The following AK7 variants were observed in gnomAD, a reference collection of about 807,000 sequenced individuals.
The protein encoded by AK7 is adenylate kinase 7, also known as ATP-AMP transphosphorylase 7.
Under a neutral mutation model 96.6 loss-of-function variants are expected in AK7, and 78 were observed. The ratio of observed to expected loss-of-function variants is 0.81; its 90% confidence interval spans 0.67 to 0.97. The LOEUF (loss-of-function observed/expected upper bound fraction) is 0.97. AK7 is among the 50% of genes least tolerant of loss of function. The probability of loss-of-function intolerance (pLI) is 0.00; values close to 1 mark genes in which losing one functional copy is unlikely to be tolerated. For synonymous variants in AK7, 302 were observed against 317.2 expected (o/e 0.95, Z 0.51); for missense variants, 855 against 887.9 (o/e 0.96, Z 0.47).
At chr14:96,435,385 T>C (rs998690176) in intron 5 of AK7, among the ~76,000 whole-genome samples, 1 of 152,062 alleles carries the variant, frequency 6.6e-6, no homozygotes, top group Non-Finnish European at 1.5e-5. Flanking sequence ...TATCTAGAAA[T>C]GTGACTGAGC....
chr14:96,464,921 A>G (rs1280485961), intron 12 of AK7, among the ~76,000 whole-genome samples: 1 of 152,084 alleles, frequency 6.6e-6, no homozygotes, highest in Admixed American at 6.6e-5. Flanking sequence ...AGATGGAGTC[A>G]CTCCGGTTAG....
chr14:96,478,907 C>CTT (rs147640900), intron 15 of AK7, among the ~76,000 whole-genome samples: 25 of 141,000 alleles, frequency 1.8e-4, no homozygotes, highest in East Asian at 6.2e-4. Context: ...ATGACAAATC[C>CTT]TTTTTTTTTT....
At chr14:96,446,697 T>G (rs1333530275) in intron 8 of AK7, 90 bp downstream of exon 8, 7 of 1,177,464 alleles carry the variant, frequency 5.9e-6, no homozygotes, top group South Asian at 2.5e-5. Context: ...TCCTAGCATT[T>G]TGGGAGTCCG....
chr14:96,440,589 C>T (rs556826576), intron 6 of AK7, among the ~76,000 whole-genome samples: 26 of 152,318 alleles, frequency 1.7e-4, no homozygotes, highest in African/African-American at 6.0e-4. Context: ...ACTATACCTA[C>T]AGTCATCCCC....
At chr14:96,425,461 CT>C (rs1891967840) in intron 5 of AK7, among the ~76,000 whole-genome samples, 2 of 145,370 alleles carry the variant, frequency 1.4e-5, no homozygotes, top group East Asian at 4.1e-4. Flanking sequence ...TTGCTTTCAT[CT>C]TTTAATGAGT....
intron 11 of AK7, among the ~76,000 whole-genome samples, chr14:96,457,417 TA>T (rs1893994022): frequency 1.3e-5 from 2 of 152,206 alleles, no homozygotes; most frequent in African/African-American, 4.8e-5. Context: ...ATGCTTTTTT[TA>T]GTTTTATAAT....
At chr14:96,424,036 C>A in intron 5 of AK7, 1 of 749,876 alleles carries the variant, frequency 1.3e-6, no homozygotes. Context: ...GTAGAGTTTC[C>A]CTAAATCAAG....
At position 96,399,796 on chromosome 14, in the gene AK7, C is replaced by G. The variant is rs1890298911; in HGVS notation, c.294+1533C>G. On this transcript the variant is annotated intron_variant, in intron 2 of 17. Transcript: ENST00000267584. This position sits in a 1 kb window ranked among gnomAD's most constrained non-coding sequence, Gnocchi z 4.1. The stretch of plus-strand genomic sequence containing the variant: ...GCTTCTTTCTCTGGCTCCTTTTCCT[C>G]TTTTACCCTTTAAATGCGGTTTTCC... 6.6e-6 allele frequency among the ~76,000 whole-genome samples: 1 copy of G among 152,162 alleles called. No individual in the cohort carries two copies. Among genetic ancestry groups the G allele is most frequent in the Non-Finnish European group, 1.5e-5 (1 of 68,034 alleles).
At chr14:96,486,859 C>T (rs376739942) in intron 16 of AK7, 39 bp from the exon 17 acceptor site, 23 of 1,589,512 alleles carry the variant, frequency 1.4e-5, no homozygotes, top group Non-Finnish European at 1.7e-5. Flanking sequence ...TCCCCTTTCT[C>T]ACTACACATT....
intron 5 of AK7, 145 bp from the exon 6 acceptor site, chr14:96,437,690 A>G: frequency 4.9e-6 from 3 of 609,148 alleles, no homozygotes; most frequent in Non-Finnish European, 8.6e-6. Flanking sequence ...TTTAAGAGAT[A>G]GGATTTGTAT....
chr14:96,483,570 C>T (rs796629910), intron 16 of AK7, among the ~76,000 whole-genome samples: 1 of 151,998 alleles, frequency 6.6e-6, no homozygotes, highest in Non-Finnish European at 1.5e-5. Context: ...TACAGGTGTG[C>T]ACCACCAAGC....
chr14:96,418,281 G>A (rs1337477637), intron 4 of AK7, among the ~76,000 whole-genome samples: 2 of 129,432 alleles, frequency 1.5e-5, no homozygotes, highest in Non-Finnish European at 3.1e-5. Flanking sequence ...CTGTGATTGT[G>A]CCACTGCGCC....
At chr14:96,415,058 G>A (rs1391348109) in intron 4 of AK7, among the ~76,000 whole-genome samples, 4 of 151,916 alleles carry the variant, frequency 2.6e-5, no homozygotes, top group African/African-American at 9.7e-5. Flanking sequence ...CATGGCTGAA[G>A]ATAAGGCTTT....
chr14:96,433,832 T>C (rs980950042), intron 5 of AK7, among the ~76,000 whole-genome samples: 4 of 152,214 alleles, frequency 2.6e-5, no homozygotes, highest in Admixed American at 2.6e-4. Context: ...ATTTTGTTAT[T>C]AAAGGACTCT....
chr14:96,449,240 A>C (rs1451460984), intron 8 of AK7, among the ~76,000 whole-genome samples: 1 of 152,142 alleles, frequency 6.6e-6, no homozygotes, highest in Non-Finnish European at 1.5e-5. Context: ...AGACTACAGC[A>C]CAGAATCCCC....
At chr14:96,407,726 T>C (rs1890801774) in intron 3 of AK7, among the ~76,000 whole-genome samples, 1 of 151,820 alleles carries the variant, frequency 6.6e-6, no homozygotes, top group African/African-American at 2.4e-5. Context: ...GGACTACAGA[T>C]GCCCGCCACC....
At chr14:96,424,146 G>T in intron 5 of AK7, 2 of 628,932 alleles carry the variant, frequency 3.2e-6, no homozygotes, top group East Asian at 3.5e-5. Context: ...GACATGCAGC[G>T]GGTGCTGCGG....
intron 9 of AK7, among the ~76,000 whole-genome samples, chr14:96,450,194 A>G (rs982500653): frequency 6.6e-6 from 1 of 152,092 alleles, no homozygotes; most frequent in Non-Finnish European, 1.5e-5. Context: ...AGGCAGGTGG[A>G]CCACCTGAGG....
intron 7 of AK7, 48 bp from the exon 8 acceptor site, chr14:96,446,469 C>A: frequency 6.5e-7 from 1 of 1,538,080 alleles, no homozygotes; most frequent in Non-Finnish European, 9.0e-7. Flanking sequence ...TTTACTGCAT[C>A]TCTTTCGCTT....
Sources: allele counts gnomAD v4.1 joint callset (sites outside exome capture counted in the v4.1 genomes callset), GRCh38; gene constraint gnomAD v4.1.1; non-coding constraint Gnocchi (gnomAD v3.1); transcripts MANE v1.5; gene names NCBI Gene and HGNC (gene_info 2026-07-23, HGNC 2026-07-21).